The following WWOX variants were observed in gnomAD, a reference collection of about 807,000 sequenced individuals.
The protein encoded by WWOX is WW domain containing oxidoreductase.
Under a neutral mutation model 46.2 loss-of-function variants are expected in WWOX, and 69 were observed. That is an observed-to-expected ratio of 1.49 (90% CI 1.23 to 1.82). The LOEUF is 1.82. Ranked by LOEUF, WWOX falls within the 40% of genes most tolerant of loss-of-function variation. The pLI, the probability that WWOX is intolerant of heterozygous loss-of-function variation, is 0.00. For missense variants in WWOX, 919 were observed against 542.6 expected, an observed-to-expected ratio of 1.69 and a Z score of -6.89; for synonymous variants, 359 against 202.6, an observed-to-expected ratio of 1.77 and a Z score of -6.56.
intron 5 of WWOX, among the ~76,000 whole-genome samples, chr16:78,351,145 A>G (rs1597078633): frequency 6.6e-6 from 1 of 152,142 alleles, no homozygotes; most frequent in South Asian, 2.1e-4. Context: ...ATTTTCTTAC[A>G]GTGCAGTGTG....
At chr16:79,001,296 A>T (rs144673085) in intron 8 of WWOX, among the ~76,000 whole-genome samples, 1 of 151,886 alleles carries the variant, frequency 6.6e-6, no homozygotes, top group Non-Finnish European at 1.5e-5. Context: ...CCAGCACACA[A>T]TCAGCTGCTC....
intron 8 of WWOX, among the ~76,000 whole-genome samples, chr16:79,022,953 C>T (rs1290026307): frequency 6.6e-6 from 1 of 152,018 alleles, no homozygotes; most frequent in East Asian, 1.9e-4. Context: ...ATACCTATGG[C>T]ATAGGGTTTG....
intron 8 of WWOX, among the ~76,000 whole-genome samples, chr16:79,051,784 C>A (rs1375804424): frequency 1.3e-5 from 2 of 152,182 alleles, no homozygotes; most frequent in Non-Finnish European, 2.9e-5. Flanking sequence ...AAAGTTAATT[C>A]AAAGACCTGT....
intron 4 of WWOX, among the ~76,000 whole-genome samples, chr16:78,120,549 C>G (rs1229136535): frequency 2.0e-5 from 3 of 151,212 alleles, no homozygotes; most frequent in Non-Finnish European, 4.4e-5. Flanking sequence ...CGCAGTCCGG[C>G]CTGGGCGACA....
intron 6 of WWOX, among the ~76,000 whole-genome samples, chr16:78,392,596 C>T (rs1024856771): frequency 7.2e-5 from 11 of 152,118 alleles, no homozygotes; most frequent in African/African-American, 1.4e-4. Context: ...GAAACCTCTG[C>T]TCTAGAGATT....
intron 8 of WWOX, among the ~76,000 whole-genome samples, chr16:79,124,723 A>C (rs1300977705): frequency 6.6e-6 from 1 of 152,212 alleles, no homozygotes; most frequent in Non-Finnish European, 1.5e-5. Context: ...CAGATGTGAA[A>C]CATTTGTGTC....
intron 8 of WWOX, among the ~76,000 whole-genome samples, chr16:79,166,401 C>T (rs1227360167): frequency 1.3e-5 from 2 of 152,080 alleles, no homozygotes; most frequent in Non-Finnish European, 1.5e-5. Context: ...TTCCCTTTTG[C>T]CTCCTCTTTA....
chr16:78,457,858 G>A (rs1330585765), intron 8 of WWOX, among the ~76,000 whole-genome samples: 4 of 142,710 alleles, frequency 2.8e-5, no homozygotes, highest in African/African-American at 1.1e-4. Flanking sequence ...GGAGCTTTCA[G>A]TGAGCCAAGA....
intron 5 of WWOX, among the ~76,000 whole-genome samples, chr16:78,300,048 C>G (rs2080012939): frequency 6.6e-6 from 1 of 152,110 alleles, no homozygotes; most frequent in African/African-American, 2.4e-5. Flanking sequence ...ATTGCTGCAT[C>G]TTATAAGAAG....
intron 5 of WWOX, among the ~76,000 whole-genome samples, chr16:78,291,082 C>T (rs1281527188): frequency 6.6e-6 from 1 of 152,144 alleles, no homozygotes; most frequent in Non-Finnish European, 1.5e-5. Context: ...CTTTCTCTCT[C>T]TCTTTCTTCT....
chr16:78,647,075 C>T (rs777564476), intron 8 of WWOX, among the ~76,000 whole-genome samples: 3 of 152,128 alleles, frequency 2.0e-5, no homozygotes, highest in Non-Finnish European at 4.4e-5. Flanking sequence ...AACTTCCTTC[C>T]CCGATGATGG....
intron 4 of WWOX, among the ~76,000 whole-genome samples, chr16:78,130,749 A>G (rs999625414): frequency 6.6e-6 from 1 of 152,192 alleles, no homozygotes; most frequent in Non-Finnish European, 1.5e-5. Flanking sequence ...ATTAACAAAC[A>G]TTTATTGACT....
At chr16:78,590,473 T>C (rs1409441492) in intron 8 of WWOX, among the ~76,000 whole-genome samples, 3 of 152,154 alleles carry the variant, frequency 2.0e-5, no homozygotes, top group Non-Finnish European at 2.9e-5. Context: ...GATAAATAAA[T>C]AGGATTTTCC....
At chr16:79,051,315 A>G (rs373865474) in intron 8 of WWOX, among the ~76,000 whole-genome samples, 67 of 152,340 alleles carry the variant, frequency 4.4e-4, no homozygotes, top group African/African-American at 1.4e-3. Context: ...TAAGTGTGCA[A>G]TGCTTTAAAT....
In WWOX at chr16:79,118,981, C is replaced by T. The variant is rs191014515; in HGVS notation, c.1057-92627C>T. ...GTGTCATAAGGAGTGTTGTGATAAA[C>T]ATCTCTGTGCATAAAGCAGTTTCTA... On this transcript the variant is annotated intron_variant, in intron 8 of 8. Coordinates refer to ENST00000566780, the MANE Select transcript of WWOX (RefSeq NM_016373.4). Among the ~76,000 whole-genome samples, 195 of 152,264 alleles carry T rather than the reference C, an allele frequency of 1.3e-3. 1 individual carries two copies. The highest frequency in any genetic ancestry group is 2.2e-4 in the Non-Finnish European group (15 of 68,016).
intron 8 of WWOX, among the ~76,000 whole-genome samples, chr16:78,557,761 TGTC>T (rs2151552959): frequency 6.9e-6 from 1 of 145,592 alleles, no homozygotes; most frequent in Non-Finnish European, 1.5e-5. Flanking sequence ...AGTGGCGCGA[TGTC>T]AGCTCACTGC....
At chr16:79,116,103 C>T (rs563169703) in intron 8 of WWOX, among the ~76,000 whole-genome samples, 18 of 152,260 alleles carry the variant, frequency 1.2e-4, no homozygotes, top group Non-Finnish European at 2.2e-4. Context: ...TATTTCATTA[C>T]TAAAAAATGC....
chr16:79,065,255 G>A (rs77097804), intron 8 of WWOX, among the ~76,000 whole-genome samples: 85 of 152,262 alleles, frequency 5.6e-4, no homozygotes, highest in African/African-American at 2.0e-3. Context: ...TCACTGAGAT[G>A]ACATTATGGC....
At chr16:79,111,348 C>T (rs537709353) in intron 8 of WWOX, among the ~76,000 whole-genome samples, 1 of 152,302 alleles carries the variant, frequency 6.6e-6, no homozygotes, top group South Asian at 2.1e-4. Flanking sequence ...GAAAATCCAA[C>T]CAGTGTGTTC....
Sources: allele counts gnomAD v4.1 joint callset (sites outside exome capture counted in the v4.1 genomes callset), GRCh38; gene constraint gnomAD v4.1.1; transcripts MANE v1.5; gene names NCBI Gene and HGNC (gene_info 2026-07-23, HGNC 2026-07-21).